Variants in TENM2 observed in about 807,000 individuals in gnomAD.
The protein encoded by TENM2 is teneurin-2.
TENM2 carries 52 observed loss-of-function variants against 245.2 expected under a neutral mutation model. That is an observed-to-expected ratio of 0.21 (90% CI 0.17 to 0.27). The LOEUF (loss-of-function observed/expected upper bound fraction) is 0.27. TENM2 is among the 10% of genes least tolerant of loss of function. The pLI is 1.00. For synonymous variants in TENM2, 1,363 were observed against 1,438.9 expected, an observed-to-expected ratio of 0.95 and a Z score of 1.19; for missense variants, 3,046 against 3,666.8, an observed-to-expected ratio of 0.83 and a Z score of 4.37.
intron 3 of TENM2, among the ~76,000 whole-genome samples, chr5:167,908,692 T>G (rs1231715717): frequency 6.9e-6 from 1 of 144,778 alleles, no homozygotes; most frequent in African/African-American, 2.6e-5. Flanking sequence ...TCTCCCTCTC[T>G]GTTTCCCTCT....
chr5:168,264,094 G>C (rs561259408), downstream of TENM2: 1 of 152,604 alleles, frequency 6.6e-6, no homozygotes, highest in African/African-American at 2.4e-5. Context: ...GACAGGCAAA[G>C]ATAATTTATG....
chr5:166,996,521 C>T, the TENM2 span, among the ~76,000 whole-genome samples: 19 of 152,256 alleles, frequency 1.2e-4, no homozygotes, highest in South Asian at 3.7e-3. Context: ...GGCTCTCGAG[C>T]CTTTCGGCTT....
At chr5:167,110,391 G>A in the TENM2 span, among the ~76,000 whole-genome samples, 1 of 152,198 alleles carries the variant, frequency 6.6e-6, no homozygotes, top group Admixed American at 6.5e-5. Context: ...AGAGATACAT[G>A]TAGGTGCATC....
chr5:167,836,685 A>G (rs1273420188), intron 2 of TENM2, among the ~76,000 whole-genome samples: 2 of 152,174 alleles, frequency 1.3e-5, no homozygotes, highest in Non-Finnish European at 1.5e-5. Flanking sequence ...TTCATGTACT[A>G]TAGGACTCAC....
chr5:168,134,693 A>G (rs1156807389), intron 12 of TENM2, among the ~76,000 whole-genome samples: 4 of 151,904 alleles, frequency 2.6e-5, no homozygotes, highest in African/African-American at 9.7e-5. Flanking sequence ...GTCTCAAAAG[A>G]AAAAAAAATT....
chr5:167,686,317 G>A (rs1397757868), intron 2 of TENM2, among the ~76,000 whole-genome samples: 3 of 152,176 alleles, frequency 2.0e-5, no homozygotes, highest in Non-Finnish European at 4.4e-5. Context: ...ATTAGAGATG[G>A]AAAAGTCTGC....
chr5:167,872,750 A>T (rs181106918), intron 2 of TENM2, among the ~76,000 whole-genome samples: 1 of 152,328 alleles, frequency 6.6e-6, no homozygotes, highest in East Asian at 1.9e-4. Flanking sequence ...CACTGTAGTA[A>T]CCCCAATGCT....
chr5:167,705,805 A>G (rs991287516), intron 2 of TENM2, among the ~76,000 whole-genome samples: 1 of 150,402 alleles, frequency 6.6e-6, no homozygotes, highest in East Asian at 1.9e-4. Context: ...TCCCATTCCT[A>G]CTCTCTGCTT....
chr5:167,198,707 C>T, the TENM2 span, among the ~76,000 whole-genome samples: 4 of 151,980 alleles, frequency 2.6e-5, no homozygotes, highest in East Asian at 1.9e-4. Flanking sequence ...ACTCCCTGTC[C>T]GGTCCCAGCT....
At chr5:167,466,986 TGCCCA>T (rs1766700025) in intron 2 of TENM2, among the ~76,000 whole-genome samples, 1 of 152,188 alleles carries the variant, frequency 6.6e-6, no homozygotes, top group South Asian at 2.1e-4. Context: ...AAACATAAGT[TGCCCA>T]GCCAAATTGG....
At chr5:168,099,211 C>A (rs761981042) in intron 9 of TENM2, among the ~76,000 whole-genome samples, 1 of 152,010 alleles carries the variant, frequency 6.6e-6, no homozygotes, top group Non-Finnish European at 1.5e-5. Flanking sequence ...TGCCCGGCCT[C>A]GTTTTTTTTT....
At chr5:166,986,044 A>G in the TENM2 span, among the ~76,000 whole-genome samples, 3 of 152,322 alleles carry the variant, frequency 2.0e-5, no homozygotes, top group East Asian at 5.8e-4. Flanking sequence ...ATCACCAAGT[A>G]CATCCCTCAG....
At chr5:167,922,214 T>C (rs1005189052) in intron 3 of TENM2, among the ~76,000 whole-genome samples, 4 of 152,172 alleles carry the variant, frequency 2.6e-5, no homozygotes, top group Non-Finnish European at 5.9e-5. Context: ...TCATGACCCA[T>C]ATCCATGAGA....
intron 4 of TENM2, among the ~76,000 whole-genome samples, chr5:167,973,150 G>A (rs757532940): frequency 6.6e-6 from 1 of 152,192 alleles, no homozygotes; most frequent in African/African-American, 2.4e-5. Flanking sequence ...CTAGTAAGGC[G>A]GTATGATTGT....
chr5:167,383,317 G>T (rs1761203089), intron 2 of TENM2, among the ~76,000 whole-genome samples: 1 of 152,060 alleles, frequency 6.6e-6, no homozygotes, highest in South Asian at 2.1e-4. Flanking sequence ...ACCTTCGTGG[G>T]TCTTGAACTC....
chr5:168,227,229 T>C (rs1310132362), intron 24 of TENM2, among the ~76,000 whole-genome samples: 1 of 152,252 alleles, frequency 6.6e-6, no homozygotes, highest in African/African-American at 2.4e-5. Context: ...AGACGTCTGA[T>C]TGACTCGTGT....
chr5:168,068,232 T>C (rs1009405386), intron 7 of TENM2, among the ~76,000 whole-genome samples: 1 of 152,070 alleles, frequency 6.6e-6, no homozygotes, highest in Non-Finnish European at 1.5e-5. Flanking sequence ...GCACCATGGA[T>C]GTTTTACAAG....
At chr5:167,371,563 G>A (rs1760438817) in intron 1 of TENM2, among the ~76,000 whole-genome samples, 1 of 151,894 alleles carries the variant, frequency 6.6e-6, no homozygotes, top group African/African-American at 2.4e-5. Context: ...GTTTATCCAT[G>A]TTTGTCAGGC....
intron 2 of TENM2, among the ~76,000 whole-genome samples, chr5:167,726,099 G>A (rs1759984402): frequency 6.6e-6 from 1 of 152,130 alleles, no homozygotes; most frequent in Non-Finnish European, 1.5e-5. Flanking sequence ...TGACTATGGG[G>A]TTCCTCTTAA....
Sources: allele counts gnomAD v4.1 joint callset (sites outside exome capture counted in the v4.1 genomes callset), GRCh38; gene constraint gnomAD v4.1.1; transcripts MANE v1.5; gene names NCBI Gene and HGNC (gene_info 2026-07-23, HGNC 2026-07-21).